PTGER3: variants seen among roughly 807,000 people sequenced by gnomAD.
PTGER3 encodes the protein prostaglandin E2 receptor EP3 subtype.
PTGER3 carries 22 observed loss-of-function variants against 34.7 expected under a neutral mutation model. The observed-to-expected ratio is 0.63, with a 90% confidence interval of 0.45 to 0.91. The LOEUF (loss-of-function observed/expected upper bound fraction) is 0.91. PTGER3 is among the 40% of genes least tolerant of loss of function. The pLI, the probability that PTGER3 is intolerant of heterozygous loss-of-function variation, is 0.00. For missense variants in PTGER3, 468 were observed against 519.4 expected (o/e 0.90, Z 0.96); for synonymous variants, 241 against 230.1 (o/e 1.05, Z -0.43).
intron 2 of PTGER3, among the ~76,000 whole-genome samples, chr1:70,965,004 T>C (rs1652362943): frequency 6.6e-6 from 1 of 152,172 alleles, no homozygotes; most frequent in African/African-American, 2.4e-5. Context: ...GGAGGTTTCT[T>C]GAAGGAAGTG....
In PTGER3 at chr1:71,047,345, C is replaced by A; in HGVS notation, c.233G>T (p.Arg78Leu). Residue 78 changes from arginine to leucine, a missense_variant, in exon 1 of 4, where the codon CGG becomes CTG. Arg to Leu is a moderately radical substitution (Grantham distance 102). Around this residue, in one of 5 missense-constraint regions of PTGER3, gnomAD observed 151 missense variants for 133.5 expected, o/e 1.13. Transcript: ENST00000306666. ...LAMLLVSRSY[R>L]RRESKRKKSF... ...CTTCTTGCGCTTGCTCTCCCGGCGC[C>A]GGTAGCTGCGCGACACGAGCAGCAT... 1 of 1,608,432 alleles carries A rather than the reference C, an allele frequency of 6.2e-7. No homozygotes were observed. Among genetic ancestry groups the A allele is most frequent in the Non-Finnish European group, 8.5e-7 (1 of 1,178,192 alleles).
intron 4 of PTGER3, among the ~76,000 whole-genome samples, chr1:70,872,751 G>T (rs1333327963): frequency 2.0e-5 from 3 of 152,192 alleles, no homozygotes; most frequent in African/African-American, 7.2e-5. Context: ...GAGTGGTAGA[G>T]AATTCAGTTG....
At chr1:70,941,297 C>G (rs1019429395) in intron 4 of PTGER3, among the ~76,000 whole-genome samples, 9 of 152,090 alleles carry the variant, frequency 5.9e-5, no homozygotes, top group Admixed American at 5.2e-4. Context: ...AATGGCTAAA[C>G]CACTGCTTTC....
At chr1:71,002,473 C>A (rs1304463465) in intron 2 of PTGER3, among the ~76,000 whole-genome samples, 1 of 152,086 alleles carries the variant, frequency 6.6e-6, no homozygotes, top group Non-Finnish European at 1.5e-5. Flanking sequence ...CTTTAGAGAG[C>A]ATTTTTGTAA....
chr1:70,892,697 T>C (rs1169525430), intron 4 of PTGER3, among the ~76,000 whole-genome samples: 1 of 151,434 alleles, frequency 6.6e-6, no homozygotes, highest in Non-Finnish European at 1.5e-5. Flanking sequence ...AAAAATTAGC[T>C]GGGTGTGGTG....
chr1:70,983,407 C>T (rs1572850304), intron 2 of PTGER3, among the ~76,000 whole-genome samples: 1 of 152,120 alleles, frequency 6.6e-6, no homozygotes, highest in Admixed American at 6.5e-5. Context: ...TCAAATCTAC[C>T]TTGTTTCTGC....
At chr1:70,939,512 C>A (rs962120790) in intron 4 of PTGER3, among the ~76,000 whole-genome samples, 1 of 152,222 alleles carries the variant, frequency 6.6e-6, no homozygotes, top group Non-Finnish European at 1.5e-5. Context: ...TAGAGGTTCT[C>A]CATCAGGGCT....
chr1:70,965,301 A>G (rs1442275735), intron 2 of PTGER3, among the ~76,000 whole-genome samples: 1 of 152,196 alleles, frequency 6.6e-6, no homozygotes, highest in South Asian at 2.1e-4. Flanking sequence ...TCATTTTATT[A>G]ACAAAACATA....
chr1:70,881,736 G>T (rs914271608), intron 4 of PTGER3, among the ~76,000 whole-genome samples: 5 of 152,168 alleles, frequency 3.3e-5, no homozygotes, highest in African/African-American at 9.7e-5. Flanking sequence ...TGTTTCTTTT[G>T]TTGGGTGTTC....
intron 2 of PTGER3, among the ~76,000 whole-genome samples, chr1:70,982,996 A>G (rs1654535353): frequency 6.6e-6 from 1 of 152,158 alleles, no homozygotes; most frequent in Admixed American, 6.5e-5. Context: ...TTCTAAAAAG[A>G]GGCTAAACAA....
intron 4 of PTGER3, among the ~76,000 whole-genome samples, chr1:70,930,605 C>T (rs1192794183): frequency 1.3e-5 from 2 of 152,120 alleles, no homozygotes; most frequent in Non-Finnish European, 2.9e-5. Flanking sequence ...CTCAGAATCA[C>T]AATGGGAGGC....
intron 2 of PTGER3, among the ~76,000 whole-genome samples, chr1:71,001,993 T>G (rs751617370): frequency 1.3e-5 from 2 of 152,154 alleles, no homozygotes; most frequent in African/African-American, 2.4e-5. Flanking sequence ...CAAAGCCTCA[T>G]ACCTGTAATC....
chr1:70,935,015 T>A (rs943456704), intron 4 of PTGER3, among the ~76,000 whole-genome samples: 1 of 152,124 alleles, frequency 6.6e-6, no homozygotes, highest in Non-Finnish European at 1.5e-5. Flanking sequence ...GTACAAAGCA[T>A]TGTTGAAGTT....
chr1:71,006,327 A>T (rs991063508), intron 2 of PTGER3: 1 of 985,312 alleles, frequency 1.0e-6, no homozygotes, highest in Non-Finnish European at 1.2e-6. Context: ...TCTACATTTG[A>T]CAGAGCTTCT....
intron 4 of PTGER3, among the ~76,000 whole-genome samples, chr1:70,873,003 C>A (rs894774321): frequency 6.6e-6 from 1 of 152,136 alleles, no homozygotes; most frequent in African/African-American, 2.4e-5. Flanking sequence ...GTTCAGGAGG[C>A]ATAGCTCCCT....
At position 71,046,758 on chromosome 1, in the gene PTGER3, C is replaced by T. The variant is rs777193036; in HGVS notation, c.820G>A (p.Gly274Ser). Residue 274 changes from glycine (G) to serine (S), a missense_variant, in exon 1 of 4, where the codon GGC (glycine) becomes AGC (serine). Gly to Ser is a moderately conservative substitution (Grantham distance 56). Coordinates refer to ENST00000306666, the MANE Select transcript of PTGER3 (RefSeq NM_198719.2). ...ATASQSSAQW[G>S]RITTETAIQL... ...ATGGCCGTCTCGGTCGTGATGCGGC[C>T]CCACTGGGCACTGGACTGAGATGCC... The T allele has an allele frequency of 1.2e-6, 2 of 1,613,216 alleles. No homozygotes were observed. Among genetic ancestry groups the T allele is most frequent in the African/African-American group, 1.3e-5 (1 of 75,042 alleles).
intron 4 of PTGER3, among the ~76,000 whole-genome samples, chr1:70,934,363 G>A (rs1326301497): frequency 6.6e-6 from 1 of 152,064 alleles, no homozygotes; most frequent in Non-Finnish European, 1.5e-5. Flanking sequence ...GCATCATCAC[G>A]AAGATGCCTC....
intron 4 of PTGER3, among the ~76,000 whole-genome samples, chr1:70,926,231 C>T (rs1233302132): frequency 6.6e-6 from 1 of 152,102 alleles, no homozygotes; most frequent in Non-Finnish European, 1.5e-5. Context: ...TCATTGGTAG[C>T]TTGATGGGGA....
rs1653071366 is a variant in PTGER3, at chr1:70,971,463, C to T, written c.*267G>A. On this transcript the variant is annotated 3_prime_UTR_variant, in exon 4 of 4. Transcript: ENST00000306666. ...GGTCTTTCTTTTCATCACTTTTCCT[C>T]CAATCATCATCTGTGAAATTCTTCC... 8.7e-7 allele frequency: 1 copy of T among 1,151,110 alleles called. No individual in the cohort carries two copies. Among genetic ancestry groups the T allele is most frequent in the Admixed American group, 4.7e-5 (1 of 21,226 alleles). The allele number at this position is 1,151,110 out of a possible 1,614,324, so 71.3% of individuals were successfully genotyped here.
Sources: allele counts gnomAD v4.1 joint callset (sites outside exome capture counted in the v4.1 genomes callset), GRCh38; gene constraint gnomAD v4.1.1; regional missense constraint gnomAD v4.1.1; transcripts MANE v1.5; gene names NCBI Gene and HGNC (gene_info 2026-07-23, HGNC 2026-07-21).